ADAM22: variants seen among roughly 807,000 people sequenced by gnomAD.
The protein encoded by ADAM22 is disintegrin and metalloproteinase domain-containing protein 22.
Under a neutral mutation model 144.6 loss-of-function variants are expected in ADAM22, and 65 were observed. The observed-to-expected ratio is 0.45, with a 90% CI of 0.37 to 0.55. The LOEUF (loss-of-function observed/expected upper bound fraction) is 0.55, where lower values mean the gene tolerates loss of function less well. Ranked by LOEUF, ADAM22 falls within the 20% of genes least tolerant of loss-of-function variation. The probability of loss-of-function intolerance (pLI) is 0.00; values close to 1 mark genes in which losing one functional copy is unlikely to be tolerated. For missense variants in ADAM22, 974 were observed against 1,184.9 expected (o/e 0.82, Z 2.61); for synonymous variants, 391 against 412.6 (o/e 0.95, Z 0.63).
chr7:87,947,877 C>T (rs1170794451), intron 2 of ADAM22, among the ~76,000 whole-genome samples: 2 of 152,092 alleles, frequency 1.3e-5, no homozygotes, highest in Non-Finnish European at 2.9e-5. Flanking sequence ...TTCTTTCCAT[C>T]GTTGAGCACA....
At chr7:88,039,248 C>G (rs973233107) in intron 3 of ADAM22, among the ~76,000 whole-genome samples, 2 of 151,038 alleles carry the variant, frequency 1.3e-5, no homozygotes, top group African/African-American at 4.9e-5. Context: ...TCGAGACCAT[C>G]CTGGCTAACA....
chr7:88,133,072 C>A, intron 12 of ADAM22, 121 bp downstream of exon 12: 1 of 850,772 alleles, frequency 1.2e-6, no homozygotes, highest in Non-Finnish European at 1.9e-6. Flanking sequence ...TATTACAAAT[C>A]AGTATGGTGG....
intron 2 of ADAM22, among the ~76,000 whole-genome samples, chr7:87,955,328 C>G (rs1846381981): frequency 6.6e-6 from 1 of 151,884 alleles, no homozygotes; most frequent in Non-Finnish European, 1.5e-5. Flanking sequence ...GATGTTCTTT[C>G]TGTTTGTTAG....
In ADAM22 at chr7:88,201,685, A is replaced by G. The variant is rs537142267; in HGVS notation, c.*5194A>G. On this transcript the variant is annotated 3_prime_UTR_variant, in exon 32 of 32. Transcript: ENST00000413139. ...CTTCAAGGCTGGCAGGCTTTTCATC[A>G]AGTAATCATCATTCCATGTTCCTAC... 2 of 152,278 alleles carry G rather than the reference A, an allele frequency of 1.3e-5. No homozygotes were observed. Among genetic ancestry groups the G allele is most frequent in the East Asian group, 1.9e-4 (1 of 5,188 alleles). The allele number at this position is 152,278 out of a possible 1,614,324, so 9.4% of individuals were successfully genotyped here.
intron 4 of ADAM22, among the ~76,000 whole-genome samples, chr7:88,082,648 A>G (rs1817103392): frequency 2.0e-5 from 3 of 152,182 alleles, no homozygotes. Flanking sequence ...CAAGAAAAAA[A>G]CAAACAACCC....
chr7:88,127,846 A>G (rs187689584), intron 8 of ADAM22, among the ~76,000 whole-genome samples: 1 of 152,194 alleles, frequency 6.6e-6, no homozygotes, highest in East Asian at 1.9e-4. Context: ...ATTATAGGCT[A>G]ACTGTAGAGA....
intron 3 of ADAM22, among the ~76,000 whole-genome samples, chr7:88,032,252 G>T (rs1312526660): frequency 6.6e-6 from 1 of 152,228 alleles, no homozygotes; most frequent in Non-Finnish European, 1.5e-5. Context: ...CATTGGGTCT[G>T]TATTCTGCAA....
intron 4 of ADAM22, among the ~76,000 whole-genome samples, chr7:88,102,036 C>G (rs1454312232): frequency 6.6e-6 from 1 of 152,166 alleles, no homozygotes; most frequent in Non-Finnish European, 1.5e-5. Flanking sequence ...TGGATGATCT[C>G]TCTCAGTCTA....
chr7:87,948,107 C>A (rs1443050849), intron 2 of ADAM22, among the ~76,000 whole-genome samples: 1 of 152,152 alleles, frequency 6.6e-6, no homozygotes, highest in Non-Finnish European at 1.5e-5. Flanking sequence ...CAGCCTCTTT[C>A]CATTTTCCTG....
intron 4 of ADAM22, among the ~76,000 whole-genome samples, chr7:88,096,385 T>A (rs921487419): frequency 3.3e-5 from 5 of 151,800 alleles, no homozygotes; most frequent in African/African-American, 1.2e-4. Context: ...TTTAATTTGT[T>A]AATTACCAAT....
chr7:87,995,882 A>G (rs1791086411), intron 3 of ADAM22, among the ~76,000 whole-genome samples: 1 of 152,234 alleles, frequency 6.6e-6, no homozygotes, highest in African/African-American at 2.4e-5. Context: ...TCTAATAAAG[A>G]TAGTATCTTC....
At chr7:88,063,074 A>G (rs137875996) in intron 3 of ADAM22, among the ~76,000 whole-genome samples, 5 of 152,314 alleles carry the variant, frequency 3.3e-5, no homozygotes, top group Non-Finnish European at 7.4e-5. Flanking sequence ...ACACAAAGTG[A>G]GCATATGCTG....
At chr7:88,061,825 TTC>T (rs1280406569) in intron 3 of ADAM22, among the ~76,000 whole-genome samples, 6 of 149,872 alleles carry the variant, frequency 4.0e-5, no homozygotes, top group Admixed American at 1.4e-4. Context: ...TTCTCTTTCT[TTC>T]TCTCTCTCTC....
In ADAM22 at chr7:87,971,590, A is replaced by T. The variant is rs553970107; in HGVS notation, c.247-6746A>T. ...AATTTGAAAGATGGCATTTCTGCAAAATTACGTTTTTCCAGTATCTGTGAG... is the reference window on the plus strand; with the variant it reads ...AATTTGAAAGATGGCATTTCTGCAATATTACGTTTTTCCAGTATCTGTGAG... On this transcript the variant is annotated intron_variant, in intron 2 of 31. Transcript: ENST00000413139. Among the ~76,000 whole-genome samples, 380 of 152,300 alleles carry T rather than the reference A, an allele frequency of 2.5e-3. 2 individuals carry two copies. Among genetic ancestry groups the T allele is most frequent in the Non-Finnish European group, 3.8e-3 (257 of 68,026 alleles).
chr7:88,005,450 T>G (rs1331572305), intron 3 of ADAM22, among the ~76,000 whole-genome samples: 1 of 152,138 alleles, frequency 6.6e-6, no homozygotes, highest in Non-Finnish European at 1.5e-5. Flanking sequence ...ATCTACTACC[T>G]TCAAACAATT....
In ADAM22 at chr7:88,123,542, A is replaced by G. The variant is rs1006468147; in HGVS notation, c.608-2047A>G. ...TCCTCGTATTATCTTTTTAGTATCT[A>G]TAGAATCTGTAGTGATTTGCTTTCT... On this transcript the variant is annotated intron_variant, in intron 7 of 31. Coordinates refer to ENST00000413139, the MANE Select transcript of ADAM22 (RefSeq NM_001324418.2). Among the ~76,000 whole-genome samples, 3 of 152,040 alleles carry G rather than the reference A, an allele frequency of 2.0e-5. 1 individual carries two copies. Among genetic ancestry groups the G allele is most frequent in the South Asian group, 4.1e-4 (2 of 4,834 alleles).
At chr7:87,943,012 T>C (rs532748480) in intron 2 of ADAM22, among the ~76,000 whole-genome samples, 1 of 152,108 alleles carries the variant, frequency 6.6e-6, no homozygotes, top group African/African-American at 2.4e-5. Context: ...TGATAGCTTC[T>C]GAAAACATGT....
At chr7:88,051,743 T>G (rs1042694960) in intron 3 of ADAM22, among the ~76,000 whole-genome samples, 1 of 152,130 alleles carries the variant, frequency 6.6e-6, no homozygotes, top group African/African-American at 2.4e-5. Flanking sequence ...AGTAGTCCAT[T>G]TTTTGCTATT....
intron 2 of ADAM22, among the ~76,000 whole-genome samples, chr7:87,954,953 A>C (rs1206659719): frequency 2.0e-5 from 3 of 152,034 alleles, no homozygotes; most frequent in East Asian, 1.9e-4. Flanking sequence ...TGCATTCTTC[A>C]CGTAGTTCTC....
Sources: gnomAD v4.1 joint callset for allele counts (sites outside exome capture counted in the v4.1 genomes callset) on GRCh38, gnomAD v4.1.1 for gene constraint, MANE v1.5 for transcripts, NCBI Gene and HGNC (gene_info 2026-07-23, HGNC 2026-07-21) for gene names.